Variants in ARHGEF2 observed in about 807,000 individuals in gnomAD.
ARHGEF2 encodes Rho/Rac guanine nucleotide exchange factor 2.
A neutral mutation model predicts 121.0 loss-of-function variants in ARHGEF2; 22 were observed. The observed-to-expected ratio is 0.18, with a 90% CI of 0.13 to 0.26. The LOEUF is 0.26. Ranked by LOEUF, ARHGEF2 falls within the 10% of genes least tolerant of loss-of-function variation. ARHGEF2 has a pLI of 1.00. For synonymous variants in ARHGEF2, 487 were observed against 530.0 expected (o/e 0.92, Z 1.11); for missense variants, 907 against 1,336.0 (o/e 0.68, Z 5.01).
intron 4 of ARHGEF2, 131 bp downstream of exon 4, chr1:155,966,285 C>A (rs1679356189): frequency 1.1e-6 from 1 of 881,074 alleles, no homozygotes; most frequent in Admixed American, 2.1e-5. Flanking sequence ...TAGGCCCCCA[C>A]TATCTGCTTC....
intron 16 of ARHGEF2, 50 bp downstream of exon 16, chr1:155,952,066 A>C (rs2102632436): frequency 6.2e-7 from 1 of 1,613,908 alleles, no homozygotes; most frequent in Non-Finnish European, 8.5e-7. Flanking sequence ...CCACTCTACT[A>C]ACTTTGGCCC....
In ARHGEF2 at chr1:155,947,321, G is replaced by GGCCACC. The variant is rs569080158; in HGVS notation, c.*615_*620dup. The stretch of plus-strand genomic sequence containing the variant: ...TCCCTCACCCCCAACAAACCATTAT[G>GGCCACC]GCCACCCCAACCTTTATTCCATCAA... On this transcript the variant is annotated 3_prime_UTR_variant, in exon 22 of 22. Transcript: ENST00000361247. 1.1e-4 allele frequency: 50 copies of GGCCACC among 456,130 alleles called. No homozygotes were observed. Among genetic ancestry groups the GGCCACC allele is most frequent in the African/African-American group, 7.0e-4 (35 of 50,106 alleles). 28.3% of individuals were successfully genotyped at this position (456,130 alleles called of 1,614,324 possible).
Position 155,962,949 on chromosome 1 carries a change from T to C in ARHGEF2, c.959A>G (p.Asp320Gly). The C allele has an allele frequency of 6.2e-7, 1 of 1,614,110 alleles. No individual in the cohort carries two copies. Among genetic ancestry groups the C allele is most frequent in the Non-Finnish European group, 8.5e-7 (1 of 1,180,020 alleles). ...TRNFVIHRLG[D>G]LLISQFSGPS... ...TTTTCCCACCTGGCTGATGAGCAGA[T>C]CACCCAAGCGATGGATGACAAAGTT... The change falls in exon 8 of 22, where the codon GAT (aspartate) becomes GGT (glycine). Residue 320 changes from aspartate to glycine, a missense_variant. Asp to Gly is a moderately conservative substitution (Grantham distance 94). This residue lies in a region of ARHGEF2 where 475 missense variants were observed against 776.5 expected (regional missense o/e 0.61). Coordinates refer to ENST00000361247, the MANE Select transcript of ARHGEF2 (RefSeq NM_001162383.2). The surrounding 1 kb of genome is among the most constrained non-coding windows in gnomAD (Gnocchi z 5.8).
chr1:155,954,342 G>A (rs1676188375), intron 14 of ARHGEF2, among the ~76,000 whole-genome samples: 2 of 139,586 alleles, frequency 1.4e-5, no homozygotes, highest in Admixed American at 1.5e-4. Flanking sequence ...GGAGTGCAGT[G>A]GCGTGATCTC....
chr1:155,966,325 G>T, intron 4 of ARHGEF2, 91 bp downstream of exon 4: 1 of 1,306,096 alleles, frequency 7.7e-7, no homozygotes, highest in Non-Finnish European at 1.1e-6. Context: ...GCTATGCCTG[G>T]GAACAACCTT....
intron 1 of ARHGEF2, chr1:155,972,184 T>G (rs191805717): frequency 2.2e-6 from 1 of 444,590 alleles, no homozygotes; most frequent in African/African-American, 2.0e-5. Flanking sequence ...GCCCTTCCTC[T>G]CTCTGGCATC....
At position 155,951,726 on chromosome 1, in the gene ARHGEF2, C is replaced by T; in HGVS notation, c.2208+15G>A. 6.2e-7 allele frequency: 1 copy of T among 1,614,162 alleles called. No individual in the cohort carries two copies. Among genetic ancestry groups the T allele is most frequent in the South Asian group, 1.1e-5 (1 of 91,072 alleles). ...TCCTCCCTTCAGTCTCCTATACCAT[C>T]AATTCCCATCTCACCTCTTGCGGTG... is the stretch of plus-strand genomic sequence containing the variant. On this transcript the variant is annotated intron_variant, in intron 18 of 21. Coordinates refer to ENST00000361247, the MANE Select transcript of ARHGEF2 (RefSeq NM_001162383.2). This position sits in a 1 kb window ranked among gnomAD's most constrained non-coding sequence, Gnocchi z 5.1.
intron 1 of ARHGEF2, among the ~76,000 whole-genome samples, chr1:155,977,194 G>A (rs957803122): frequency 1.3e-5 from 2 of 152,096 alleles, no homozygotes; most frequent in Non-Finnish European, 2.9e-5. Flanking sequence ...ACCAACTCTG[G>A]GCTGGGACCT....
chr1:155,950,718 G>T lies in ARHGEF2; in HGVS notation c.2703+111C>A. The T allele has an allele frequency of 8.6e-7, 1 of 1,160,912 alleles. No individual in the cohort carries two copies. The highest frequency in any genetic ancestry group is 1.2e-6 in the Non-Finnish European group (1 of 812,310). 71.9% of individuals were successfully genotyped at this position (1,160,912 alleles called of 1,614,324 possible). On this transcript the variant is annotated intron_variant, in intron 20 of 21. Transcript: ENST00000361247. The surrounding 1 kb of genome is among the most constrained non-coding windows in gnomAD (Gnocchi z 5.2). ...CAACCAGTATCTCAATATCCTTCAAGTCAGTTGACTGATTGCATTTGGGCT... is the reference window on the plus strand; with the variant it reads ...CAACCAGTATCTCAATATCCTTCAATTCAGTTGACTGATTGCATTTGGGCT...
intron 14 of ARHGEF2, among the ~76,000 whole-genome samples, chr1:155,953,746 C>CAAAA (rs926082849): frequency 4.1e-4 from 18 of 43,552 alleles, no homozygotes; most frequent in Non-Finnish European, 6.1e-4. Context: ...GACCCTGTCT[C>CAAAA]AAAAAAAAAA....
intron 15 of ARHGEF2, 77 bp from the exon 16 acceptor site, chr1:155,952,312 G>C: frequency 6.3e-7 from 1 of 1,582,074 alleles, no homozygotes; most frequent in Non-Finnish European, 8.6e-7. Context: ...CCCACATGTG[G>C]GACACTTGGG....
chr1:155,968,993 G>C, intron 2 of ARHGEF2, 163 bp downstream of exon 2: 1 of 785,762 alleles, frequency 1.3e-6, no homozygotes, highest in Non-Finnish European at 2.0e-6. Flanking sequence ...CCCTCAGAGT[G>C]AGGACAGGGA....
At chr1:155,979,553 G>C (rs1558061729), upstream of ARHGEF2, among the ~76,000 whole-genome samples, 1 of 152,226 alleles carries the variant, frequency 6.6e-6, no homozygotes, top group African/African-American at 2.4e-5. Flanking sequence ...CATTTCTCTG[G>C]AGAAACCAGA....
rs982820853 is a variant in ARHGEF2 at position 155,961,578 on chromosome 1, A to G, written c.1468+83T>C. ...CGTTGAGCCACTGCACCCGGCCAAG[A>G]GAGGTTGATTCTAAGACCTGCAGGC... On this transcript the variant is annotated intron_variant, in intron 11 of 21. Coordinates refer to ENST00000361247, the MANE Select transcript of ARHGEF2 (RefSeq NM_001162383.2). This position sits in a 1 kb window ranked among gnomAD's most constrained non-coding sequence, Gnocchi z 4.7. The G allele has an allele frequency of 2.4e-5, 37 of 1,544,120 alleles. No individual in the cohort carries two copies. The East Asian group carries it at 6.1e-4, about 25-fold the overall frequency.
At chr1:155,971,468 A>G (rs1422409445) in intron 1 of ARHGEF2, among the ~76,000 whole-genome samples, 2 of 150,712 alleles carry the variant, frequency 1.3e-5, no homozygotes, top group Non-Finnish European at 3.0e-5. Flanking sequence ...AATCCCAGCT[A>G]CTTGGGAGGC....
At chr1:155,964,592 G>A (rs935303319) in intron 7 of ARHGEF2, among the ~76,000 whole-genome samples, 1 of 152,052 alleles carries the variant, frequency 6.6e-6, no homozygotes, top group African/African-American at 2.4e-5. Context: ...TGTAGGCCAA[G>A]AGGGAAAGGG....
chr1:155,952,514 A>G (rs1675700220), intron 15 of ARHGEF2, 114 bp downstream of exon 15: 2 of 1,233,600 alleles, frequency 1.6e-6, no homozygotes, highest in Admixed American at 2.5e-5. Context: ...AGGGCCGTTT[A>G]TGGTTTATAG....
At position 155,969,356 on chromosome 1, in the gene ARHGEF2, G is replaced by A. The variant is rs987803734; in HGVS notation, c.64-56C>T. 5.0e-6 allele frequency: 8 copies of A among 1,603,878 alleles called. No individual in the cohort carries two copies. In the Admixed American group the frequency reaches 6.7e-5, roughly 13 times the overall value. ...AGGCTGGAAAATGCCAGGGTGCCTG[G>A]AGTCCAGAGAGACAGGCTGGGGGCA... On this transcript the variant is annotated intron_variant, in intron 1 of 21. Coordinates refer to ENST00000361247, the MANE Select transcript of ARHGEF2 (RefSeq NM_001162383.2).
chr1:155,979,499 A>G (rs557067394), upstream of ARHGEF2, among the ~76,000 whole-genome samples: 1 of 152,214 alleles, frequency 6.6e-6, no homozygotes, highest in Non-Finnish European at 1.5e-5. Context: ...CAGTCTAACT[A>G]TGATCACTTA....
Sources: gnomAD v4.1 joint callset for allele counts (sites outside exome capture counted in the v4.1 genomes callset) on GRCh38, gnomAD v4.1.1 for gene constraint, gnomAD v4.1.1 regional missense constraint, Gnocchi (gnomAD v3.1) non-coding constraint, MANE v1.5 for transcripts, NCBI Gene and HGNC (gene_info 2026-07-23, HGNC 2026-07-21) for gene names.